Variants in KLHL29 observed in about 807,000 individuals in gnomAD.
KLHL29 encodes kelch like family member 29, also known as kelch-like protein 29.
In KLHL29, 21 loss-of-function variants were observed where a neutral mutation model predicts 80.4. The observed-to-expected ratio is 0.26, with a 90% CI of 0.19 to 0.38. The LOEUF (loss-of-function observed/expected upper bound fraction) is 0.38. Ranked by LOEUF, KLHL29 falls within the 10% of genes least tolerant of loss-of-function variation. The pLI is 1.00. For synonymous variants in KLHL29, 511 were observed against 526.8 expected, an observed-to-expected ratio of 0.97 and a Z score of 0.41; for missense variants, 867 against 1,223.9, an observed-to-expected ratio of 0.71 and a Z score of 4.35.
At chr2:23,591,438 C>A (rs374763786) in intron 3 of KLHL29, among the ~76,000 whole-genome samples, 27 of 152,142 alleles carry the variant, frequency 1.8e-4, no homozygotes, top group African/African-American at 6.5e-4. Flanking sequence ...AGACTCACTT[C>A]TTCCCCCACG....
intron 2 of KLHL29, among the ~76,000 whole-genome samples, chr2:23,490,188 C>A (rs755966705): frequency 4.6e-5 from 7 of 152,132 alleles, no homozygotes; most frequent in Non-Finnish European, 1.0e-4. Context: ...TGCCTTTTTA[C>A]TTCTGGGAAC....
chr2:23,429,400 A>G (rs1464255225), intron 1 of KLHL29, among the ~76,000 whole-genome samples: 2 of 152,198 alleles, frequency 1.3e-5, no homozygotes, highest in African/African-American at 2.4e-5. Flanking sequence ...TGGGGGTCTC[A>G]CTGCATTCTA....
intron 1 of KLHL29, among the ~76,000 whole-genome samples, chr2:23,453,537 G>C (rs1376399083): frequency 6.6e-6 from 1 of 152,182 alleles, no homozygotes; most frequent in East Asian, 1.9e-4. Context: ...GGAGTGCAGT[G>C]GGGGGACCTT....
chr2:23,547,041 AG>A (rs1031882712), intron 2 of KLHL29, among the ~76,000 whole-genome samples: 23 of 152,332 alleles, frequency 1.5e-4, no homozygotes, highest in African/African-American at 5.5e-4. Context: ...CATTTCCAGC[AG>A]AGCACACACC....
chr2:23,678,245 C>A (rs1036978482), intron 5 of KLHL29, among the ~76,000 whole-genome samples: 1 of 152,224 alleles, frequency 6.6e-6, no homozygotes, highest in East Asian at 1.9e-4. Flanking sequence ...CTTCCAGTCC[C>A]CATTCCCTCG....
At position 23,511,734 on chromosome 2, in the gene KLHL29, T is replaced by C. The variant is rs187651582; in HGVS notation, c.-46+36067T>C. On this transcript the variant is annotated intron_variant, in intron 2 of 13. Coordinates refer to ENST00000486442, the MANE Select transcript of KLHL29 (RefSeq NM_052920.2). Reference sequence around the variant, plus strand: ...TATCGGTGCCTGACACATCGTCACTTAACAAAGGTTTGTTTGCTGGCTTAA... The same window carrying C: ...TATCGGTGCCTGACACATCGTCACTCAACAAAGGTTTGTTTGCTGGCTTAA... 1.6e-3 allele frequency among the ~76,000 whole-genome samples: 241 copies of C among 152,336 alleles called. 1 individual carries two copies. The highest frequency in any genetic ancestry group is 3.8e-4 in the Non-Finnish European group (26 of 68,022).
At chr2:23,403,937 CTT>C (rs1666662858) in intron 1 of KLHL29, among the ~76,000 whole-genome samples, 1 of 152,154 alleles carries the variant, frequency 6.6e-6, no homozygotes, top group South Asian at 2.1e-4. Context: ...ATTCTGGAGA[CTT>C]TGCATCCTTT....
rs956299743 is a variant in KLHL29, at chr2:23,562,533, C to T, written c.285+52C>T. 2.6e-6 allele frequency: 4 copies of T among 1,519,158 alleles called. No homozygotes were observed. Among genetic ancestry groups the T allele is most frequent in the Non-Finnish European group, 3.5e-6 (4 of 1,136,234 alleles). The allele number at this position is 1,519,158 out of a possible 1,614,324, so 94.1% of individuals were successfully genotyped here. The stretch of plus-strand genomic sequence containing the variant: ...GGAGCCGGACAGAGGGGCCCTGCCT[C>T]CCTGCAGGCTCAGGCCAGCCCCACA... On this transcript the variant is annotated intron_variant, in intron 3 of 13. Coordinates refer to ENST00000486442, the MANE Select transcript of KLHL29 (RefSeq NM_052920.2). The surrounding 1 kb of genome is among the most constrained non-coding windows in gnomAD (Gnocchi z 4.5).
chr2:23,550,505 TC>T (rs1667096998), intron 2 of KLHL29, among the ~76,000 whole-genome samples: 2 of 152,124 alleles, frequency 1.3e-5, no homozygotes, highest in South Asian at 4.1e-4. Context: ...GATGTTAATG[TC>T]CCCGGCCCTC....
intron 2 of KLHL29, among the ~76,000 whole-genome samples, chr2:23,554,157 T>A (rs1191388531): frequency 6.6e-6 from 1 of 152,228 alleles, no homozygotes; most frequent in Non-Finnish European, 1.5e-5. Context: ...CGTCAAGTCG[T>A]GGCCAAGCCG....
Position 23,642,529 on chromosome 2 carries a change from C to T in KLHL29, c.619C>T (p.Pro207Ser). ...LPLMPGHYSL[P>S]QPPSQPLSSV... ...GCTGATGCCAGGCCACTACTCGCTC[C>T]CTCAGCCGCCCTCTCAGCCACTGAG... is the stretch of plus-strand genomic sequence containing the variant. Residue 207 changes from proline (P) to serine (S), a missense_variant, in exon 5 of 14, where the codon CCT (proline) becomes TCT (serine). Pro to Ser is a moderately conservative substitution (Grantham distance 74, BLOSUM62 -1). This residue lies in a region of KLHL29 where 424 missense variants were observed against 456.9 expected (regional missense o/e 0.93). Transcript: ENST00000486442. 6.5e-7 allele frequency: 1 copy of T among 1,537,070 alleles called. No homozygotes were observed.
intron 5 of KLHL29, among the ~76,000 whole-genome samples, chr2:23,646,758 G>A (rs1669945745): frequency 1.3e-5 from 2 of 152,196 alleles, no homozygotes; most frequent in South Asian, 4.1e-4. Context: ...GTCTTCACAA[G>A]TAACAGTGAT....
chr2:23,587,210 C>A (rs554340288), intron 3 of KLHL29, among the ~76,000 whole-genome samples: 3 of 149,962 alleles, frequency 2.0e-5, no homozygotes, highest in Admixed American at 6.7e-5. Context: ...TCATTTTATT[C>A]TTTTCCTCCT....
chr2:23,521,182 A>G (rs1465523599), intron 2 of KLHL29, among the ~76,000 whole-genome samples: 1 of 151,992 alleles, frequency 6.6e-6, no homozygotes, highest in African/African-American at 2.4e-5. Flanking sequence ...CTGGGAGGGG[A>G]CTGCTTCGAG....
intron 1 of KLHL29, among the ~76,000 whole-genome samples, chr2:23,403,674 C>T (rs752565951): frequency 6.6e-5 from 10 of 151,286 alleles, no homozygotes; most frequent in Non-Finnish European, 1.0e-4. Context: ...AACAATAATA[C>T]ATCCAAAAGA....
intron 2 of KLHL29, among the ~76,000 whole-genome samples, chr2:23,483,459 G>C (rs966302800): frequency 2.0e-5 from 3 of 152,196 alleles, no homozygotes; most frequent in Admixed American, 6.5e-5. Flanking sequence ...TCATATAATG[G>C]GGATGTAGCT....
At chr2:23,393,194 G>A (rs974361699) in intron 1 of KLHL29, among the ~76,000 whole-genome samples, 5 of 152,176 alleles carry the variant, frequency 3.3e-5, no homozygotes, top group Non-Finnish European at 7.3e-5. Flanking sequence ...CCTGGAGAAG[G>A]TGTCAGATAA....
At chr2:23,528,147 C>T (rs929652793) in intron 2 of KLHL29, among the ~76,000 whole-genome samples, 1 of 152,058 alleles carries the variant, frequency 6.6e-6, no homozygotes, top group African/African-American at 2.4e-5. Context: ...GCTTTTTCTG[C>T]CCTACAATTT....
At chr2:23,649,787 G>A (rs1471090632) in intron 5 of KLHL29, among the ~76,000 whole-genome samples, 3 of 152,234 alleles carry the variant, frequency 2.0e-5, no homozygotes, top group Admixed American at 6.5e-5. Flanking sequence ...GGGGCTTCAG[G>A]TGATGGTGCT....
Sources: gnomAD v4.1 joint callset for allele counts (sites outside exome capture counted in the v4.1 genomes callset) on GRCh38, gnomAD v4.1.1 for gene constraint, gnomAD v4.1.1 regional missense constraint, Gnocchi (gnomAD v3.1) non-coding constraint, MANE v1.5 for transcripts, NCBI Gene and HGNC (gene_info 2026-07-23, HGNC 2026-07-21) for gene names.